KLF12: variants seen among roughly 807,000 people sequenced by gnomAD.
KLF12 encodes KLF transcription factor 12.
Under a neutral mutation model 37.8 loss-of-function variants are expected in KLF12, and 9 were observed. The ratio of observed to expected loss-of-function variants is 0.24; its 90% CI spans 0.14 to 0.42. The LOEUF (loss-of-function observed/expected upper bound fraction) is 0.42. Ranked by LOEUF, KLF12 falls within the 10% of genes least tolerant of loss-of-function variation. KLF12 has a pLI of 1.00. For synonymous variants in KLF12, 208 were observed against 202.1 expected, an observed-to-expected ratio of 1.03 and a Z score of -0.25; for missense variants, 411 against 516.0, an observed-to-expected ratio of 0.80 and a Z score of 1.97.
At chr13:74,223,966 T>TCATTTGGGAGAATGGA in the KLF12 span, among the ~76,000 whole-genome samples, 1 of 152,204 alleles carries the variant, frequency 6.6e-6, no homozygotes, top group Non-Finnish European at 1.5e-5. Context: ...ATCCATTCAT[T>TCATTTGGGAGAATGGA]TGCTAGAAGG....
chr13:73,869,290 A>G (rs930780306), intron 3 of KLF12, among the ~76,000 whole-genome samples: 1 of 152,186 alleles, frequency 6.6e-6, no homozygotes, highest in Non-Finnish European at 1.5e-5. Context: ...AAAAACAACT[A>G]TAAGAAAAAG....
intron 5 of KLF12, among the ~76,000 whole-genome samples, chr13:73,765,349 T>C (rs1292795863): frequency 6.6e-6 from 1 of 152,024 alleles, no homozygotes; most frequent in East Asian, 1.9e-4. Context: ...GGTGCCTGAG[T>C]TCAGTGAGCC....
chr13:73,975,429 T>G (rs1891485447), intron 2 of KLF12, among the ~76,000 whole-genome samples: 1 of 152,336 alleles, frequency 6.6e-6, no homozygotes, highest in East Asian at 1.9e-4. Flanking sequence ...TCATTTTATC[T>G]GCCTCCTAAA....
chr13:73,827,208 C>T (rs994735418), intron 4 of KLF12, among the ~76,000 whole-genome samples: 5 of 152,132 alleles, frequency 3.3e-5, no homozygotes, highest in South Asian at 2.1e-4. Context: ...CTATCCTTTT[C>T]GTGATGAAAA....
intron 1 of KLF12, among the ~76,000 whole-genome samples, chr13:74,102,503 G>A (rs1876413020): frequency 6.6e-6 from 1 of 151,946 alleles, no homozygotes; most frequent in Non-Finnish European, 1.5e-5. Context: ...TTTGTGACCA[G>A]CCTGGCCAAC....
intron 4 of KLF12, among the ~76,000 whole-genome samples, chr13:73,834,329 T>C (rs1473831816): frequency 1.3e-5 from 2 of 152,190 alleles, no homozygotes; most frequent in Non-Finnish European, 2.9e-5. Context: ...CTTCTTCTAA[T>C]TCTACCATGC....
chr13:74,217,658 C>T, the KLF12 span, among the ~76,000 whole-genome samples: 1 of 152,116 alleles, frequency 6.6e-6, no homozygotes, highest in Admixed American at 6.6e-5. Context: ...ACCTGGGAGG[C>T]GGAGGTTGCA....
chr13:74,027,222 C>G (rs779629589), intron 1 of KLF12, among the ~76,000 whole-genome samples: 1 of 152,096 alleles, frequency 6.6e-6, no homozygotes, highest in African/African-American at 2.4e-5. Context: ...TGAAGAAATA[C>G]GAAGGCAATG....
the KLF12 span, among the ~76,000 whole-genome samples, chr13:74,188,896 C>T: frequency 7.2e-5 from 11 of 152,146 alleles, 1 homozygote; most frequent in South Asian, 4.1e-4. Flanking sequence ...ACTTGGGAGG[C>T]GGAGACACGA....
chr13:74,087,427 A>G (rs1875380790), intron 1 of KLF12, among the ~76,000 whole-genome samples: 1 of 152,086 alleles, frequency 6.6e-6, no homozygotes, highest in African/African-American at 2.4e-5. Context: ...TCACTGCAAG[A>G]GTCCAGAATC....
At chr13:74,034,616 C>T (rs918830998) in intron 1 of KLF12, among the ~76,000 whole-genome samples, 4 of 152,230 alleles carry the variant, frequency 2.6e-5, no homozygotes, top group African/African-American at 9.6e-5. Flanking sequence ...TCAGAAAGTT[C>T]TTCTCTATTC....
chr13:74,265,107 C>A, the KLF12 span, among the ~76,000 whole-genome samples: 1 of 152,156 alleles, frequency 6.6e-6, no homozygotes, highest in Non-Finnish European at 1.5e-5. Context: ...ACCATTTTTA[C>A]TAAGGCCTTG....
chr13:74,188,237 T>A, the KLF12 span, among the ~76,000 whole-genome samples: 1 of 152,202 alleles, frequency 6.6e-6, no homozygotes, highest in Admixed American at 6.5e-5. Flanking sequence ...CATAATTTAG[T>A]AAGCTAATAA....
At chr13:73,879,440 G>A (rs981485955) in intron 3 of KLF12, among the ~76,000 whole-genome samples, 1 of 152,172 alleles carries the variant, frequency 6.6e-6, no homozygotes, top group African/African-American at 2.4e-5. Context: ...CAAAAGGTAA[G>A]TAGGTAATTA....
At chr13:74,239,013 G>A in the KLF12 span, among the ~76,000 whole-genome samples, 4 of 149,652 alleles carry the variant, frequency 2.7e-5, no homozygotes, top group Admixed American at 6.7e-5. Context: ...TGCTTTTCTA[G>A]TTCTTTTACT....
chr13:74,184,102 C>T, the KLF12 span, among the ~76,000 whole-genome samples: 1 of 152,164 alleles, frequency 6.6e-6, no homozygotes, highest in African/African-American at 2.4e-5. Flanking sequence ...CTTAGACCTC[C>T]TGAATCAGAA....
At chr13:74,244,488 A>T in the KLF12 span, among the ~76,000 whole-genome samples, 1 of 152,210 alleles carries the variant, frequency 6.6e-6, no homozygotes, top group Non-Finnish European at 1.5e-5. Context: ...AGGGAAGAGG[A>T]TGAGACCGTT....
chr13:73,892,377 G>C (rs1285586975), intron 3 of KLF12, among the ~76,000 whole-genome samples: 1 of 152,028 alleles, frequency 6.6e-6, no homozygotes, highest in Non-Finnish European at 1.5e-5. Context: ...AACTGACGTT[G>C]AAAAGAACTT....
rs772370790 is a variant in KLF12, at chr13:73,845,993, C to T, written c.504G>A (p.Pro168=). The change falls in exon 4 of 8, where the codon CCG becomes CCA. Residue 168 remains proline (P), a synonymous_variant. Transcript: ENST00000377669. ...ACTGTAAATTCATGGGACTTGAAGG[C>T]GGTACGGGATGGATAATGTGCAAAA... 8.7e-6 allele frequency: 14 copies of T among 1,613,928 alleles called. No individual in the cohort carries two copies. Among genetic ancestry groups the T allele is most frequent in the South Asian group, 6.6e-5 (6 of 91,094 alleles).
Sources: allele counts gnomAD v4.1 joint callset (sites outside exome capture counted in the v4.1 genomes callset), GRCh38; gene constraint gnomAD v4.1.1; transcripts MANE v1.5; gene names NCBI Gene and HGNC (gene_info 2026-07-23, HGNC 2026-07-21).